EMILIN2: variants seen among roughly 807,000 people sequenced by gnomAD.
The protein encoded by EMILIN2 is EMILIN-2.
Under a neutral mutation model 87.1 loss-of-function variants are expected in EMILIN2, and 71 were observed. That is an observed-to-expected ratio of 0.82 (90% confidence interval 0.67 to 0.99). EMILIN2 has a LOEUF of 0.99. Ranked by LOEUF, EMILIN2 falls within the 50% of genes least tolerant of loss-of-function variation. EMILIN2 has a pLI of 0.00. For missense variants in EMILIN2, 1,407 were observed against 1,371.8 expected, an observed-to-expected ratio of 1.03 and a Z score of -0.40; for synonymous variants, 581 against 563.4, an observed-to-expected ratio of 1.03 and a Z score of -0.44.
Position 2,891,582 on chromosome 18 carries a change from C to G in EMILIN2, c.1455C>G (p.Asp485Glu). The G allele has an allele frequency of 1.2e-6, 2 of 1,614,042 alleles. No individual in the cohort carries two copies. Among genetic ancestry groups the G allele is most frequent in the East Asian group, 2.2e-5 (1 of 44,878 alleles). The change falls in exon 4 of 8, where the codon GAC becomes GAG. Residue 485 changes from aspartate to glutamate, a missense_variant. Asp to Glu is a conservative substitution (Grantham distance 45, BLOSUM62 2). Coordinates refer to ENST00000254528, the MANE Select transcript of EMILIN2 (RefSeq NM_032048.3). The surrounding 1 kb of genome is among the most constrained non-coding windows in gnomAD (Gnocchi z 4.6). Reference sequence around the variant, plus strand: ...GCGCCATTAATGGAGAGGTGGGTGACTTGAAGCAGCTTGTTGATCAGAAAA... The same window carrying G: ...GCGCCATTAATGGAGAGGTGGGTGAGTTGAAGCAGCTTGTTGATCAGAAAA... ...LRGAINGEVGDLKQLVDQKIQ... is the reference protein window; with the variant it reads ...LRGAINGEVGELKQLVDQKIQ...
chr18:2,890,637 A>G lies in EMILIN2; in HGVS notation c.510A>G (p.Val170=), dbSNP rs1420459386. ...GTACAGCACAACCAAGCTGGGGGGTAGATCCAAAAGAGGGGCCTCAGGAAC... is the reference window on the plus strand; with the variant it reads ...GTACAGCACAACCAAGCTGGGGGGTGGATCCAAAAGAGGGGCCTCAGGAAC... ...PTGTAQPSWG[V]DPKEGPQELQ... is the part of the protein sequence containing the mutation. The change falls in exon 4 of 8, where the codon GTA becomes GTG. Residue 170 remains valine, a synonymous_variant. Coordinates refer to ENST00000254528, the MANE Select transcript of EMILIN2 (RefSeq NM_032048.3). The surrounding 1 kb of genome is among the most constrained non-coding windows in gnomAD (Gnocchi z 4.7). 1 of 1,613,886 alleles carries G rather than the reference A, an allele frequency of 6.2e-7. No homozygotes were observed. The highest frequency in any genetic ancestry group is 1.7e-5 in the Admixed American group (1 of 60,020).
rs2144025267 is a variant in EMILIN2, at chr18:2,884,980, A to C, written c.274A>C (p.Arg92=). Residue 92 remains arginine (R), a synonymous_variant, in exon 3 of 8, where the codon AGA becomes CGA. Transcript: ENST00000254528. ...TGTCCACAGGTATCGAGTGAACTTCAGACCTAGATATGTCACTAGGTATAA... is the reference window on the plus strand; with the variant it reads ...TGTCCACAGGTATCGAGTGAACTTCCGACCTAGATATGTCACTAGGTATAA... ...PSALVYRVNF[R]PRYVTRYKTV... 6.2e-7 allele frequency: 1 copy of C among 1,603,428 alleles called. No individual in the cohort carries two copies. The highest frequency in any genetic ancestry group is 2.3e-5 in the East Asian group (1 of 44,414).
At chr18:2,885,936 C>T (rs942884436) in intron 3 of EMILIN2, among the ~76,000 whole-genome samples, 5 of 152,194 alleles carry the variant, frequency 3.3e-5, no homozygotes, top group Non-Finnish European at 7.3e-5. Context: ...ACTCGTAGTT[C>T]TTCCCAACAT....
rs958551596 is a variant in EMILIN2, at chr18:2,847,586, C to T, written c.135-223C>T. Among the ~76,000 whole-genome samples, 26 of 152,282 alleles carry T rather than the reference C, an allele frequency of 1.7e-4. No homozygotes were observed. Among genetic ancestry groups the T allele is most frequent in the African/African-American group, 6.0e-4 (25 of 41,582 alleles). ...CCAGGAATTCCATGAGCCCCTGGGACCATGGGTGCTTTTCTTTCCCGTCTT... is the reference window on the plus strand; with the variant it reads ...CCAGGAATTCCATGAGCCCCTGGGATCATGGGTGCTTTTCTTTCCCGTCTT... On this transcript the variant is annotated intron_variant, in intron 1 of 7. Coordinates refer to ENST00000254528, the MANE Select transcript of EMILIN2 (RefSeq NM_032048.3). The surrounding 1 kb of genome is among the most constrained non-coding windows in gnomAD (Gnocchi z 4.5).
intron 2 of EMILIN2, among the ~76,000 whole-genome samples, chr18:2,877,131 G>A (rs1397510080): frequency 6.6e-6 from 1 of 152,182 alleles, no homozygotes; most frequent in African/African-American, 2.4e-5. Flanking sequence ...TGCATTGGAA[G>A]GGATCTCCGG....
chr18:2,867,901 G>A (rs951446684), intron 2 of EMILIN2, among the ~76,000 whole-genome samples: 2 of 152,010 alleles, frequency 1.3e-5, no homozygotes, highest in South Asian at 4.1e-4. Flanking sequence ...CGGGCAGAGG[G>A]GCTCCTCACT....
Position 2,847,744 on chromosome 18 carries a change from T to A in EMILIN2, c.135-65T>A. The A allele has an allele frequency of 1.9e-6, 3 of 1,569,010 alleles. No homozygotes were observed. Among genetic ancestry groups the A allele is most frequent in the Non-Finnish European group, 2.6e-6 (3 of 1,161,312 alleles). ...CTCGGTCTGGTGCCGCAGTCCCCTCTCCCCTGGCCTCATTGTTCTCCGGGT... is the reference window on the plus strand; with the variant it reads ...CTCGGTCTGGTGCCGCAGTCCCCTCACCCCTGGCCTCATTGTTCTCCGGGT... On this transcript the variant is annotated intron_variant, in intron 1 of 7. Transcript: ENST00000254528. This position sits in a 1 kb window ranked among gnomAD's most constrained non-coding sequence, Gnocchi z 4.5.
chr18:2,858,828 G>A (rs1408674424), intron 2 of EMILIN2, among the ~76,000 whole-genome samples: 1 of 150,928 alleles, frequency 6.6e-6, no homozygotes, highest in Non-Finnish European at 1.5e-5. Context: ...TTGAGACGGG[G>A]TTTCACCATG....
intron 2 of EMILIN2, among the ~76,000 whole-genome samples, chr18:2,852,571 C>T (rs1456442287): frequency 1.3e-5 from 2 of 152,144 alleles, no homozygotes; most frequent in Non-Finnish European, 1.5e-5. Context: ...CAGGCTGGAG[C>T]GCAGCGGCAC....
intron 4 of EMILIN2, among the ~76,000 whole-genome samples, chr18:2,904,233 G>T (rs1056282265): frequency 6.6e-6 from 1 of 152,080 alleles, no homozygotes; most frequent in African/African-American, 2.4e-5. Flanking sequence ...TTTTTCCCTT[G>T]AAAGTTTGTA....
intron 4 of EMILIN2, among the ~76,000 whole-genome samples, chr18:2,898,703 A>G (rs540004016): frequency 1.3e-5 from 2 of 152,302 alleles, no homozygotes; most frequent in Admixed American, 6.5e-5. Flanking sequence ...GAGTTAAGCT[A>G]TAAGAATGAA....
chr18:2,894,178 G>A lies in EMILIN2; in HGVS notation c.2359+1692G>A, dbSNP rs1479617238. On this transcript the variant is annotated intron_variant, in intron 4 of 7. Transcript: ENST00000254528. This position sits in a 1 kb window ranked among gnomAD's most constrained non-coding sequence, Gnocchi z 5.0. ...AACCCAAGGCAGCGTAGGCTAGAAC[G>A]TGGGAAGCAGGCGAGCTCTGGCTTG... Among the ~76,000 whole-genome samples the A allele has an allele frequency of 6.6e-6, 1 of 152,182 alleles. No individual in the cohort carries two copies. The highest frequency in any genetic ancestry group is 1.5e-5 in the Non-Finnish European group (1 of 68,018).
chr18:2,881,776 A>G (rs1462122877), intron 2 of EMILIN2, among the ~76,000 whole-genome samples: 1 of 152,254 alleles, frequency 6.6e-6, no homozygotes, highest in East Asian at 1.9e-4. Flanking sequence ...TTCTTCCAGC[A>G]TTATGCTCTA....
chr18:2,847,987 T>TG lies in EMILIN2; in HGVS notation c.257+60dup, dbSNP rs2143940897. 8.4e-7 allele frequency: 1 copy of TG among 1,187,596 alleles called. No individual in the cohort carries two copies. Among genetic ancestry groups the TG allele is most frequent in the East Asian group, 3.0e-5 (1 of 33,414 alleles). The allele number at this position is 1,187,596 out of a possible 1,614,324, so 73.6% of individuals were successfully genotyped here. A position where few individuals can be genotyped will look rare whatever the true frequency, so the allele number is the denominator to read the frequency against. On this transcript the variant is annotated intron_variant, in intron 2 of 7. Coordinates refer to ENST00000254528, the MANE Select transcript of EMILIN2 (RefSeq NM_032048.3). The surrounding 1 kb of genome is among the most constrained non-coding windows in gnomAD (Gnocchi z 4.5). ...CGCGCCCGGGCCGGGGCGGTGGGGG[T>TG]GGGGTGGGGTTGCTGCGCTGGGCTC...
upstream of EMILIN2, among the ~76,000 whole-genome samples, chr18:2,846,488 C>T (rs2143936957): frequency 6.6e-6 from 1 of 152,286 alleles, no homozygotes; most frequent in Non-Finnish European, 1.5e-5. The surrounding 1 kb of genome is among the most constrained non-coding windows in gnomAD (Gnocchi z 5.3). Flanking sequence ...TCAGATGGTG[C>T]CTAAGGCAGA....
At chr18:2,883,187 A>G (rs570582608) in intron 2 of EMILIN2, among the ~76,000 whole-genome samples, 2 of 151,744 alleles carry the variant, frequency 1.3e-5, no homozygotes, top group South Asian at 4.2e-4. Context: ...GGTGGATCCT[A>G]TACCCAGAGT....
intron 4 of EMILIN2, among the ~76,000 whole-genome samples, chr18:2,902,105 A>G (rs1190871176): frequency 6.6e-6 from 1 of 152,184 alleles, no homozygotes; most frequent in Non-Finnish European, 1.5e-5. Context: ...ATAGTAAAAG[A>G]CAGAATGATC....
In EMILIN2 at chr18:2,849,935, G is replaced by A. The variant is rs552324022; in HGVS notation, c.257+2004G>A. On this transcript the variant is annotated intron_variant, in intron 2 of 7. Transcript: ENST00000254528. ...CTTTTTTGTTTTTTGTTTTTTGTTT[G>A]TTTTGTTTTGAGACAGAGTCTTACC... Among the ~76,000 whole-genome samples, 11 of 151,320 alleles carry A rather than the reference G, an allele frequency of 7.3e-5. No homozygotes were observed. In the East Asian group the frequency reaches 2.1e-3, roughly 29 times the overall value.
chr18:2,896,891 C>G (rs1177789760), intron 4 of EMILIN2, among the ~76,000 whole-genome samples: 2 of 151,214 alleles, frequency 1.3e-5, no homozygotes, highest in African/African-American at 4.9e-5. Flanking sequence ...AATCCCAGCA[C>G]TTTGCGAGGC....
Sources: gnomAD v4.1 joint callset for allele counts (sites outside exome capture counted in the v4.1 genomes callset) on GRCh38, gnomAD v4.1.1 for gene constraint, Gnocchi (gnomAD v3.1) non-coding constraint, MANE v1.5 for transcripts, NCBI Gene and HGNC (gene_info 2026-07-23, HGNC 2026-07-21) for gene names.